TAF5: variants seen among roughly 807,000 people sequenced by gnomAD.
TAF5 encodes transcription initiation factor TFIID subunit 5.
TAF5 carries 20 observed loss-of-function variants against 80.9 expected under a neutral mutation model. The ratio of observed to expected loss-of-function variants is 0.25; its 90% confidence interval spans 0.17 to 0.36. TAF5 has a LOEUF of 0.36. Among genes scored for constraint, TAF5 ranks in the 10% least tolerant of loss-of-function variants. TAF5 has a pLI of 1.00. For missense variants in TAF5, 863 were observed against 1,029.4 expected, an observed-to-expected ratio of 0.84 and a Z score of 2.21; for synonymous variants, 388 against 406.4, an observed-to-expected ratio of 0.95 and a Z score of 0.55.
rs1409965794 is a variant in TAF5, at chr10:103,368,289, G to A, written c.300G>A (p.Val100=). ...APHDRQTLLA[V]LQFLRQSKLR... ...ATGACCGACAGACTCTACTGGCCGT[G>A]CTGCAGTTCCTACGGCAGAGCAAAC... Residue 100 remains valine, a synonymous_variant, in exon 1 of 11, where the codon GTG becomes GTA. Transcript: ENST00000369839. The A allele has an allele frequency of 1.1e-5, 18 of 1,580,532 alleles. No individual in the cohort carries two copies. The highest frequency in any genetic ancestry group is 1.5e-5 in the Non-Finnish European group (18 of 1,172,404).
chr10:103,373,248 G>A (rs2093363676), intron 1 of TAF5, 110 bp from the exon 2 acceptor site: 1 of 816,312 alleles, frequency 1.2e-6, no homozygotes, highest in Middle Eastern at 3.1e-4. Context: ...ACAGTGGGAA[G>A]AAAGAGACAA....
At position 103,378,731 on chromosome 10, in the gene TAF5, C is replaced by T. The variant is rs2093375306; in HGVS notation, c.1113+181C>T. Among the ~76,000 whole-genome samples the T allele has an allele frequency of 6.6e-6, 1 of 152,156 alleles. No homozygotes were observed. Among genetic ancestry groups the T allele is most frequent in the African/African-American group, 2.4e-5 (1 of 41,436 alleles). On this transcript the variant is annotated intron_variant, in intron 3 of 10. Coordinates refer to ENST00000369839, the MANE Select transcript of TAF5 (RefSeq NM_006951.5). The surrounding 1 kb of genome is among the most constrained non-coding windows in gnomAD (Gnocchi z 4.1). ...GGAGTGCAGTGGCGTGATCTCAGCT[C>T]ACTGCAACCTCCACCTCCTGGGTTC...
chr10:103,373,092 A>G (rs990330427), intron 1 of TAF5, among the ~76,000 whole-genome samples: 3 of 151,130 alleles, frequency 2.0e-5, no homozygotes, highest in Non-Finnish European at 2.9e-5. Flanking sequence ...AGTCCCAGCT[A>G]CTTGGGAGGC....
chr10:103,383,896 G>C (rs771549240), intron 7 of TAF5, among the ~76,000 whole-genome samples: 3 of 151,712 alleles, frequency 2.0e-5, no homozygotes, highest in Non-Finnish European at 4.4e-5. Context: ...CAAATTTATA[G>C]AATCAAAATG....
At chr10:103,385,516 G>A in intron 8 of TAF5, 26 bp downstream of exon 8, 1 of 1,608,526 alleles carries the variant, frequency 6.2e-7, no homozygotes, top group South Asian at 1.1e-5. Context: ...TCTTATGACT[G>A]GGTCTATTCA....
intron 7 of TAF5, among the ~76,000 whole-genome samples, chr10:103,383,710 C>G (rs1328210393): frequency 2.0e-5 from 3 of 151,634 alleles, no homozygotes; most frequent in Non-Finnish European, 4.4e-5. Flanking sequence ...TCCTGAGTAG[C>G]TGGGATTACA....
In TAF5 at chr10:103,368,448, C is replaced by T. The variant is rs1205873536; in HGVS notation, c.459C>T (p.Ala153=). 3 of 1,582,756 alleles carry T rather than the reference C, an allele frequency of 1.9e-6. No homozygotes were observed. Among genetic ancestry groups the T allele is most frequent in the Non-Finnish European group, 2.6e-6 (3 of 1,174,004 alleles). ...GCGCGCTTCTCAGCCGGGTGACCGC[C>T]TCGGCCCCTGGCCCTGCGGCCCCCG... ...VTSALLSRVT[A]SAPGPAAPDP... is the part of the protein sequence containing the mutation. The change falls in exon 1 of 11, where the codon GCC becomes GCT. Residue 153 remains alanine (A), a synonymous_variant. Coordinates refer to ENST00000369839, the MANE Select transcript of TAF5 (RefSeq NM_006951.5).
Position 103,368,424 on chromosome 10 carries a change from C to A in TAF5, c.435C>A (p.Ser145Arg), listed in dbSNP as rs762617073. 1 of 1,576,612 alleles carries A rather than the reference C, an allele frequency of 6.3e-7. No homozygotes were observed. The highest frequency in any genetic ancestry group is 8.5e-7 in the Non-Finnish European group (1 of 1,170,910). Residue 145 changes from serine (S) to arginine (R), a missense_variant, in exon 1 of 11, where the codon AGC (serine) becomes AGA (arginine). Physicochemically the swap from Ser to Arg is moderately radical, Grantham distance 110 (BLOSUM62 -1). Transcript: ENST00000369839. Reference protein sequence around the residue: ...EVDSAGAEVTSALLSRVTASA... With the variant: ...EVDSAGAEVTRALLSRVTASA... ...ACAGCGCCGGCGCTGAGGTGACCAG[C>A]GCGCTTCTCAGCCGGGTGACCGCCT...
intron 2 of TAF5, among the ~76,000 whole-genome samples, chr10:103,375,413 G>T (rs1178538603): frequency 6.6e-6 from 1 of 152,132 alleles, no homozygotes; most frequent in Admixed American, 6.6e-5. Context: ...GTTCTAGCTG[G>T]ATAGGGGAGC....
intron 5 of TAF5, 105 bp downstream of exon 5, chr10:103,380,124 TAAA>T: frequency 1.5e-6 from 2 of 1,325,210 alleles, no homozygotes; most frequent in Non-Finnish European, 2.0e-6. Flanking sequence ...TTTCGTTATT[TAAA>T]CTCCTTTTTT....
At chr10:103,370,799 A>G (rs754077993) in intron 1 of TAF5, among the ~76,000 whole-genome samples, 44 of 152,358 alleles carry the variant, frequency 2.9e-4, no homozygotes, top group Middle Eastern at 3.4e-3. Context: ...TGAGCTAACA[A>G]TAAATGTTTA....
chr10:103,387,378 C>T lies in TAF5; in HGVS notation c.2007+26C>T, dbSNP rs773360220. The T allele has an allele frequency of 2.2e-5, 34 of 1,573,968 alleles. No individual in the cohort carries two copies. In the East Asian group the frequency reaches 6.5e-4, roughly 30 times the overall value. On this transcript the variant is annotated intron_variant, in intron 9 of 10. Transcript: ENST00000369839. The stretch of plus-strand genomic sequence containing the variant: ...GTATTTTACACTCTTACTATTCCAG[C>T]ATCCAAGGTTGCTTTCAAAATAAAA...
chr10:103,387,778 T>C, intron 10 of TAF5, 80 bp downstream of exon 10: 8 of 1,419,536 alleles, frequency 5.6e-6, no homozygotes, highest in East Asian at 2.3e-5. Context: ...TAAGTCCTTA[T>C]GTTTTAGGTT....
intron 2 of TAF5, among the ~76,000 whole-genome samples, chr10:103,375,330 A>T (rs1380689759): frequency 6.6e-6 from 1 of 152,128 alleles, no homozygotes; most frequent in Non-Finnish European, 1.5e-5. Flanking sequence ...AGACAAAGTC[A>T]TGAGACACTT....
intron 6 of TAF5, among the ~76,000 whole-genome samples, 156 bp from the exon 7 acceptor site, chr10:103,383,082 A>T (rs2093386831): frequency 6.6e-6 from 1 of 152,226 alleles, no homozygotes; most frequent in South Asian, 2.1e-4. Context: ...TTACACGCTG[A>T]GATGATACTG....
intron 9 of TAF5, 45 bp from the exon 10 acceptor site, chr10:103,387,476 A>T (rs1326700605): frequency 6.4e-7 from 1 of 1,561,206 alleles, no homozygotes. Flanking sequence ...ATTTTGTCTT[A>T]TTTTCCTAGA....
chr10:103,371,590 C>T (rs2093359724), intron 1 of TAF5, among the ~76,000 whole-genome samples: 2 of 152,164 alleles, frequency 1.3e-5, no homozygotes, highest in African/African-American at 4.8e-5. Flanking sequence ...CTTACGTTTT[C>T]TGTTTTGAAG....
At chr10:103,379,446 TAGTA>T (rs2093377099) in intron 3 of TAF5, among the ~76,000 whole-genome samples, 158 bp from the exon 4 acceptor site, 3 of 152,282 alleles carry the variant, frequency 2.0e-5, no homozygotes, top group South Asian at 2.1e-4. Context: ...AGGGTTCTGT[TAGTA>T]AGGAAAAAGG....
chr10:103,371,924 A>G (rs2093360345), intron 1 of TAF5, among the ~76,000 whole-genome samples: 1 of 151,364 alleles, frequency 6.6e-6, no homozygotes, highest in Non-Finnish European at 1.5e-5. Context: ...CAGGAGAAAT[A>G]CTGACTCCTT....
Sources: allele counts gnomAD v4.1 joint callset (sites outside exome capture counted in the v4.1 genomes callset), GRCh38; gene constraint gnomAD v4.1.1; non-coding constraint Gnocchi (gnomAD v3.1); transcripts MANE v1.5; gene names NCBI Gene and HGNC (gene_info 2026-07-23, HGNC 2026-07-21).